TTLL9: variants seen among roughly 807,000 people sequenced by gnomAD.
The protein encoded by TTLL9 is probable tubulin polyglutamylase TTLL9.
TTLL9 carries 47 observed loss-of-function variants against 65.6 expected under a neutral mutation model. That is an observed-to-expected ratio of 0.72 (90% CI 0.57 to 0.91). TTLL9 has a LOEUF of 0.91. TTLL9 is among the 40% of genes least tolerant of loss of function. TTLL9 has a pLI of 0.00. For missense variants in TTLL9, 537 were observed against 568.8 expected (o/e 0.94, Z 0.57); for synonymous variants, 179 against 204.8 (o/e 0.87, Z 1.07).
At chr20:31,897,689 T>C (rs1440365571) in intron 3 of TTLL9, among the ~76,000 whole-genome samples, 1 of 152,104 alleles carries the variant, frequency 6.6e-6, no homozygotes, top group East Asian at 1.9e-4. Flanking sequence ...TGGCTCTGTC[T>C]GTGGCCTTCT....
intron 4 of TTLL9, among the ~76,000 whole-genome samples, chr20:31,904,753 T>C (rs2063527292): frequency 6.6e-6 from 1 of 152,214 alleles, no homozygotes; most frequent in Non-Finnish European, 1.5e-5. Flanking sequence ...GTGGCATTCT[T>C]CTGTAGAGAA....
chr20:31,874,884 A>G (rs2063016222), intron 2 of TTLL9, among the ~76,000 whole-genome samples: 1 of 152,218 alleles, frequency 6.6e-6, no homozygotes, highest in Non-Finnish European at 1.5e-5. Context: ...AAGGGGGCCC[A>G]CAGCCAAGGG....
intron 14 of TTLL9, chr20:31,941,352 T>G (rs960155688): frequency 6.6e-5 from 10 of 152,078 alleles, no homozygotes; most frequent in African/African-American, 2.2e-4. Context: ...GCACCAAAGA[T>G]ATCAATGCGC....
intron 10 of TTLL9, among the ~76,000 whole-genome samples, chr20:31,931,336 T>G (rs941842476): frequency 1.3e-5 from 2 of 151,886 alleles, no homozygotes; most frequent in Admixed American, 6.6e-5. Flanking sequence ...GCCTTGCCCT[T>G]CCAAAGTGCT....
At chr20:31,912,005 C>G (rs1449373561) in intron 6 of TTLL9, among the ~76,000 whole-genome samples, 1 of 152,112 alleles carries the variant, frequency 6.6e-6, no homozygotes, top group Non-Finnish European at 1.5e-5. Flanking sequence ...GAGCAGGTCA[C>G]TCGACCCCCT....
chr20:31,899,054 C>T (rs929964996), intron 4 of TTLL9, among the ~76,000 whole-genome samples: 1 of 152,214 alleles, frequency 6.6e-6, no homozygotes, highest in Non-Finnish European at 1.5e-5. Flanking sequence ...CATGTGATGC[C>T]TGGCACAGAG....
chr20:31,903,695 T>C (rs2063510096), intron 4 of TTLL9, among the ~76,000 whole-genome samples: 1 of 152,212 alleles, frequency 6.6e-6, no homozygotes, highest in Non-Finnish European at 1.5e-5. Context: ...ATTTTTAAAC[T>C]TTTTTATTTT....
chr20:31,940,904 C>T (rs547744536), intron 14 of TTLL9: 1 of 152,222 alleles, frequency 6.6e-6, no homozygotes, highest in South Asian at 2.1e-4. Context: ...CTGGTGTAGC[C>T]CAGTCACTGG....
In TTLL9 at chr20:31,943,815, C is replaced by T. The variant is rs1280498072; in HGVS notation, c.*794C>T. ...GAGCCAGAAACCGGAAAACCCTGGG[C>T]TCATGGGCAGGACAGCTTCGGGAGT... On this transcript the variant is annotated 3_prime_UTR_variant, in exon 15 of 15. Transcript: ENST00000535842. 1.1e-5 allele frequency: 5 copies of T among 456,550 alleles called. No individual in the cohort carries two copies. Among genetic ancestry groups the T allele is most frequent in the African/African-American group, 1.0e-4 (5 of 50,024 alleles). The allele number at this position is 456,550 out of a possible 1,614,324, so 28.3% of individuals were successfully genotyped here.
intron 3 of TTLL9, 147 bp from the exon 4 acceptor site, chr20:31,898,326 T>G (rs1600552168): frequency 3.2e-6 from 2 of 626,514 alleles, no homozygotes; most frequent in Admixed American, 2.8e-5. Context: ...ATGTTAAGTG[T>G]TATCATGCTC....
At chr20:31,938,711 G>C (rs6061042) in intron 13 of TTLL9, among the ~76,000 whole-genome samples, 56,746 of 151,950 alleles carry the variant, frequency 0.37, 13,341 homozygotes, top group African/African-American at 0.67. Context: ...AACCCCATAT[G>C]TACTAAAAAT....
rs748742515 is a variant in TTLL9 at position 31,933,833 on chromosome 20, C to T, written c.782C>T (p.Thr261Ile). The stretch of plus-strand genomic sequence containing the variant: ...CTCACCAACGTGGCTGTGCAAAAAA[C>T]ATCTCCCGACTACCACCCAAAGAAG... Reference protein sequence around the residue: ...VHLTNVAVQKTSPDYHPKKGC... With the variant: ...VHLTNVAVQKISPDYHPKKGC... The change falls in exon 11 of 15, where the codon ACA (threonine) becomes ATA (isoleucine). Residue 261 changes from threonine (T) to isoleucine (I), a missense_variant. By Grantham distance (89) the Thr-to-Ile change is moderately conservative. Coordinates refer to ENST00000535842, the MANE Select transcript of TTLL9 (RefSeq NM_001008409.5). 1 of 1,614,144 alleles carries T rather than the reference C, an allele frequency of 6.2e-7. No homozygotes were observed. Among genetic ancestry groups the T allele is most frequent in the South Asian group, 1.1e-5 (1 of 91,070 alleles).
Position 31,919,857 on chromosome 20 carries a change from A to C in TTLL9, c.505-7A>C. 1.3e-6 allele frequency: 2 copies of C among 1,583,016 alleles called. No homozygotes were observed. Among genetic ancestry groups the C allele is most frequent in the Non-Finnish European group, 8.6e-7 (1 of 1,165,670 alleles). ...AGAGCTGGCTTTCTGCCCCCATCCC[A>C]CCCCAGGTAGCCCGGTCTCAAGGGA... On this transcript the variant is annotated splice_polypyrimidine_tract_variant and splice_region_variant and intron_variant, in intron 6 of 14. Transcript: ENST00000535842.
intron 2 of TTLL9, among the ~76,000 whole-genome samples, chr20:31,872,513 CA>C (rs370298785): frequency 0.16 from 18,406 of 118,316 alleles, 1,855 homozygotes; most frequent in African/African-American, 0.33. Flanking sequence ...CCTGCTTTTA[CA>C]AAAAAAAAAA....
At chr20:31,902,763 A>T (rs1484364042) in intron 4 of TTLL9, among the ~76,000 whole-genome samples, 1 of 152,108 alleles carries the variant, frequency 6.6e-6, no homozygotes, top group Non-Finnish European at 1.5e-5. Flanking sequence ...GAACTGCTAG[A>T]CTTTTCTGAA....
chr20:31,938,085 TCCC>T (rs2123642930), intron 13 of TTLL9: 1 of 98,374 alleles, frequency 1.0e-5, no homozygotes, highest in Non-Finnish European at 1.9e-5. Flanking sequence ...TCCCTCTCCC[TCCC>T]TCCCTCTCCC....
intron 2 of TTLL9, among the ~76,000 whole-genome samples, chr20:31,874,599 G>A (rs2063011658): frequency 6.6e-6 from 1 of 151,988 alleles, no homozygotes; most frequent in African/African-American, 2.4e-5. Context: ...TAGTAGAGAA[G>A]GGGTTTCACC....
intron 4 of TTLL9, chr20:31,901,390 C>T (rs1054284875): frequency 2.0e-5 from 3 of 152,132 alleles, no homozygotes; most frequent in African/African-American, 4.8e-5. Flanking sequence ...TTATGATGGT[C>T]GGAGACTGGG....
Position 31,925,602 on chromosome 20 carries a change from A to G in TTLL9, c.706-447A>G, listed in dbSNP as rs528543461. Among the ~76,000 whole-genome samples, 14 of 152,208 alleles carry G rather than the reference A, an allele frequency of 9.2e-5. No individual in the cohort carries two copies. The South Asian group carries it at 2.9e-3, about 32-fold the overall frequency. ...CAATGTTCAAATCTTTTTGCTGGGC[A>G]CAGGATACAGGGGTGTCCAAGACAG... On this transcript the variant is annotated intron_variant, in intron 9 of 14. Coordinates refer to ENST00000535842, the MANE Select transcript of TTLL9 (RefSeq NM_001008409.5).
Sources: gnomAD v4.1 joint callset for allele counts (sites outside exome capture counted in the v4.1 genomes callset) on GRCh38, gnomAD v4.1.1 for gene constraint, MANE v1.5 for transcripts, NCBI Gene and HGNC (gene_info 2026-07-23, HGNC 2026-07-21) for gene names.